EDARADD: variants seen among roughly 807,000 people sequenced by gnomAD.
EDARADD encodes EDAR associated via death domain, also known as ectodysplasin-A receptor-associated adapter protein.
Under a neutral mutation model 25.6 loss-of-function variants are expected in EDARADD, and 20 were observed. That is an observed-to-expected ratio of 0.78 (90% CI 0.55 to 1.14). EDARADD has a LOEUF of 1.14. Among genes scored for constraint, EDARADD ranks in the 50% most tolerant of loss-of-function variants. EDARADD has a pLI of 0.00. For missense variants in EDARADD, 225 were observed against 270.1 expected, an observed-to-expected ratio of 0.83 and a Z score of 1.17; for synonymous variants, 86 against 94.4, an observed-to-expected ratio of 0.91 and a Z score of 0.52.
At chr1:236,361,982 CT>C (rs1667056975) in intron 3 of EDARADD, among the ~76,000 whole-genome samples, 1 of 151,976 alleles carries the variant, frequency 6.6e-6, no homozygotes, top group Admixed American at 6.6e-5. Context: ...AAGAAATTGT[CT>C]AATGGTTTTC....
At chr1:236,365,149 C>CAT (rs57920823) in intron 3 of EDARADD, among the ~76,000 whole-genome samples, 49,398 of 150,096 alleles carry the variant, frequency 0.33, 8,121 homozygotes, top group East Asian at 0.4. Flanking sequence ...GTTTTCTTTT[C>CAT]TTTTTTTTTT....
chr1:236,440,639 T>G (rs1658374345), intron 4 of EDARADD, among the ~76,000 whole-genome samples: 1 of 152,156 alleles, frequency 6.6e-6, no homozygotes, highest in Non-Finnish European at 1.5e-5. Flanking sequence ...CTTGCTGCCA[T>G]TTTTCTAACA....
rs1184773340 is a variant in EDARADD, at chr1:236,483,116, C to A, written c.*467C>A. ...AATGCTTACCTGAGTGTCTGCAGCACCCTCCACTTCTCTCCTAGGCAATGA... is the reference window on the plus strand; with the variant it reads ...AATGCTTACCTGAGTGTCTGCAGCAACCTCCACTTCTCTCCTAGGCAATGA... On this transcript the variant is annotated 3_prime_UTR_variant, in exon 6 of 6. Coordinates refer to ENST00000334232, the MANE Select transcript of EDARADD (RefSeq NM_145861.4). The A allele has an allele frequency of 8.0e-6, 10 of 1,251,486 alleles. No homozygotes were observed. In the Admixed American group the frequency reaches 8.7e-5, roughly 11 times the overall value. 77.5% of individuals were successfully genotyped at this position (1,251,486 alleles called of 1,614,324 possible).
chr1:236,482,446 T>G lies in EDARADD; in HGVS notation c.445T>G (p.Ser149Ala). The G allele has an allele frequency of 6.2e-7, 1 of 1,614,162 alleles. No homozygotes were observed. Among genetic ancestry groups the G allele is most frequent in the Non-Finnish European group, 8.5e-7 (1 of 1,180,036 alleles). ...WRNFASKWGM[S>A]YDELCFLEQR... ...GAATTTTGCAAGCAAATGGGGGATGTCCTATGACGAATTGTGCTTCCTGGA... is the reference window on the plus strand; with the variant it reads ...GAATTTTGCAAGCAAATGGGGGATGGCCTATGACGAATTGTGCTTCCTGGA... Residue 149 changes from serine to alanine, a missense_variant, in exon 6 of 6, where the codon TCC becomes GCC. Ser to Ala is a moderately conservative substitution (Grantham distance 99). Transcript: ENST00000334232.
At chr1:236,405,879 T>TCCTTCCTTCCTTC (rs1254470579) in intron 1 of EDARADD, among the ~76,000 whole-genome samples, 1 of 33,532 alleles carries the variant, frequency 3.0e-5, no homozygotes, top group African/African-American at 9.6e-5. Context: ...CCTTCCTTCT[T>TCCTTCCTTCCTTC]TCTTTCTTTC....
chr1:236,432,261 G>A (rs1365427536), intron 4 of EDARADD, among the ~76,000 whole-genome samples: 1 of 151,438 alleles, frequency 6.6e-6, no homozygotes, highest in Non-Finnish European at 1.5e-5. Flanking sequence ...CACACCTGTG[G>A]TCCCATGGTC....
intron 4 of EDARADD, among the ~76,000 whole-genome samples, chr1:236,458,389 AG>A (rs1658933641): frequency 6.6e-6 from 1 of 152,212 alleles, no homozygotes; most frequent in African/African-American, 2.4e-5. Flanking sequence ...AAACAGATAA[AG>A]CAAGTTGTAG....
At chr1:236,458,742 C>T (rs1449571622) in intron 4 of EDARADD, among the ~76,000 whole-genome samples, 1 of 146,266 alleles carries the variant, frequency 6.8e-6, no homozygotes, top group Non-Finnish European at 1.5e-5. Context: ...TTCCCAGGTT[C>T]AAGAGATTCT....
chr1:236,393,947 C>T (rs1012650228), upstream of EDARADD, among the ~76,000 whole-genome samples: 5 of 150,022 alleles, frequency 3.3e-5, no homozygotes, highest in East Asian at 2.0e-4. Flanking sequence ...AAAGGAGGCA[C>T]GAGGAAATGA....
chr1:236,357,013 G>A (rs1056559509), intron 3 of EDARADD, among the ~76,000 whole-genome samples: 2 of 152,108 alleles, frequency 1.3e-5, no homozygotes, highest in Non-Finnish European at 2.9e-5. Flanking sequence ...GAACCCAGGA[G>A]GGGGAGATGG....
At position 236,483,005 on chromosome 1, in the gene EDARADD, T is replaced by C. The variant is rs1659723063; in HGVS notation, c.*356T>C. 3 of 616,438 alleles carry C rather than the reference T, an allele frequency of 4.9e-6. No individual in the cohort carries two copies. Among genetic ancestry groups the C allele is most frequent in the Middle Eastern group, 4.3e-4 (1 of 2,302 alleles). 38.2% of individuals were successfully genotyped at this position (616,438 alleles called of 1,614,324 possible). On this transcript the variant is annotated 3_prime_UTR_variant, in exon 6 of 6. Transcript: ENST00000334232. Reference sequence around the variant, plus strand: ...TTTAAATAGGTCCTGAGACTGTTGATAGCCCCAGACATACCCACAGCATTA... The same window carrying C: ...TTTAAATAGGTCCTGAGACTGTTGACAGCCCCAGACATACCCACAGCATTA...
chr1:236,454,829 AGTTCTGAAT>A lies in EDARADD; in HGVS notation c.220-13400_220-13392del, dbSNP rs546288030. Among the ~76,000 whole-genome samples the A allele has an allele frequency of 5.9e-5, 9 of 152,300 alleles. No homozygotes were observed. The South Asian group carries it at 1.9e-3, about 32-fold the overall frequency. On this transcript the variant is annotated intron_variant, in intron 4 of 5. Transcript: ENST00000334232. ...TCTAGGGAGATATAGACTTTTCCACAGTTCTGAATGATACTCATCTGGCAGAATGGTACA... is the reference window on the plus strand; with the variant it reads ...TCTAGGGAGATATAGACTTTTCCACAGATACTCATCTGGCAGAATGGTACA...
upstream of EDARADD, among the ~76,000 whole-genome samples, chr1:236,392,908 G>A (rs575316444): frequency 1.1e-3 from 165 of 152,200 alleles, 2 homozygotes; most frequent in Non-Finnish European, 1.9e-3. Flanking sequence ...GACTTCAAGC[G>A]ATCCACCCAC....
chr1:236,465,507 A>G (rs573951088), intron 4 of EDARADD, among the ~76,000 whole-genome samples: 25 of 152,252 alleles, frequency 1.6e-4, no homozygotes, highest in Admixed American at 7.9e-4. Flanking sequence ...AGCAGGGTCC[A>G]TCTCAAACAT....
In EDARADD at chr1:236,360,546, T is replaced by A. The variant is rs1008194676; in HGVS notation, c.-6+9707T>A. 7.3e-4 allele frequency among the ~76,000 whole-genome samples: 104 copies of A among 143,176 alleles called. 4 individuals carry two copies. Among genetic ancestry groups the A allele is most frequent in the South Asian group, 1.6e-3 (7 of 4,254 alleles). 93.9% of individuals were successfully genotyped at this position (143,176 alleles called of 152,430 possible). On this transcript the variant is annotated intron_variant, in intron 3 of 7. Transcript: ENST00000439430. ...GGGATTTTAATTCACGGTTTTTTTT[T>A]TTTTTTTTTTTTTTTTTGAGACAGA...
intron 3 of EDARADD, among the ~76,000 whole-genome samples, chr1:236,357,131 A>G (rs1666988448): frequency 6.6e-6 from 1 of 151,840 alleles, no homozygotes. Context: ...AATAAAAATG[A>G]TTGATTTCAT....
intron 3 of EDARADD, among the ~76,000 whole-genome samples, chr1:236,415,982 C>T (rs989492623): frequency 6.6e-6 from 1 of 152,152 alleles, no homozygotes; most frequent in African/African-American, 2.4e-5. Flanking sequence ...AGTGGATAAT[C>T]GTAGAGAGAT....
intron 3 of EDARADD, among the ~76,000 whole-genome samples, chr1:236,363,880 TC>T (rs1157728372): frequency 6.6e-6 from 1 of 151,846 alleles, no homozygotes; most frequent in African/African-American, 2.4e-5. Context: ...AATTACCCAG[TC>T]TTGGCCAGGC....
In EDARADD at chr1:236,467,426, GCA is replaced by G. The variant is rs376781528; in HGVS notation, c.220-776_220-775del. On this transcript the variant is annotated intron_variant, in intron 4 of 5. Transcript: ENST00000334232. The stretch of plus-strand genomic sequence containing the variant: ...GACTTCATGGGAAGCACACACACGC[GCA>G]CACACACACACACACACACACACAC... Among the ~76,000 whole-genome samples, 362 of 138,952 alleles carry G rather than the reference GCA, an allele frequency of 2.6e-3. 1 individual carries two copies. The highest frequency in any genetic ancestry group is 7.4e-3 in the Middle Eastern group (2 of 270). The allele number at this position is 138,952 out of a possible 152,430, so 91.2% of individuals were successfully genotyped here. A position where few individuals can be genotyped will look rare whatever the true frequency, so the allele number is the denominator to read the frequency against.
Sources: allele counts gnomAD v4.1 joint callset (sites outside exome capture counted in the v4.1 genomes callset), GRCh38; gene constraint gnomAD v4.1.1; transcripts MANE v1.5; gene names NCBI Gene and HGNC (gene_info 2026-07-23, HGNC 2026-07-21).